The following NACC2 variants were observed in gnomAD, a reference collection of about 807,000 sequenced individuals.
The protein encoded by NACC2 is NACC family member 2, also known as nucleus accumbens-associated protein 2.
Under a neutral mutation model 25.1 loss-of-function variants are expected in NACC2, and 8 were observed. That is an observed-to-expected ratio of 0.32 (90% CI 0.19 to 0.57). NACC2 has a LOEUF of 0.57. Among genes scored for constraint, NACC2 ranks in the 20% least tolerant of loss-of-function variants. NACC2 has a pLI of 0.89. For synonymous variants in NACC2, 435 were observed against 294.7 expected, an observed-to-expected ratio of 1.48 and a Z score of -4.88; for missense variants, 644 against 650.2, an observed-to-expected ratio of 0.99 and a Z score of 0.10.
chr9:136,055,803 C>G lies in NACC2; in HGVS notation c.-59-5223G>C, dbSNP rs551720574. Among the ~76,000 whole-genome samples the G allele has an allele frequency of 4.6e-5, 7 of 152,128 alleles. No homozygotes were observed. The highest frequency in any genetic ancestry group is 1.7e-4 in the African/African-American group (7 of 41,404). On this transcript the variant is annotated intron_variant, in intron 1 of 5. Transcript: ENST00000277554. The surrounding 1 kb of genome is among the most constrained non-coding windows in gnomAD (Gnocchi z 4.9). ...TGCGGAGGGGAGAGTCCCTCTACCCCGAGCCCCGGCCCCTGGTGGAGACTG... is the reference window on the plus strand; with the variant it reads ...TGCGGAGGGGAGAGTCCCTCTACCCGGAGCCCCGGCCCCTGGTGGAGACTG...
In NACC2 at chr9:136,011,731, C is replaced by A; in HGVS notation, c.1549G>T (p.Asp517Tyr). 1 of 1,535,846 alleles carries A rather than the reference C, an allele frequency of 6.5e-7. No individual in the cohort carries two copies. Among genetic ancestry groups the A allele is most frequent in the South Asian group, 1.2e-5 (1 of 81,166 alleles). Reference sequence around the variant, plus strand: ...GCGGGGTTGGCGGCGGCACTCAGGTCAACATTCACGGCGTCAGTTCTCAGA... The same window carrying A: ...GCGGGGTTGGCGGCGGCACTCAGGTAAACATTCACGGCGTCAGTTCTCAGA... Reference protein sequence around the residue: ...VALRTDAVNVDLSAAANPAFD... With the variant: ...VALRTDAVNVYLSAAANPAFD... The change falls in exon 6 of 6, where the codon GAC (aspartate) becomes TAC (tyrosine). Residue 517 changes from aspartate to tyrosine, a missense_variant. Physicochemically the swap from Asp to Tyr is radical, Grantham distance 160. Coordinates refer to ENST00000277554, the MANE Select transcript of NACC2 (RefSeq NM_144653.5).
intron 1 of NACC2, among the ~76,000 whole-genome samples, chr9:136,051,402 G>T (rs1003135852): frequency 6.6e-6 from 1 of 152,204 alleles, no homozygotes; most frequent in Non-Finnish European, 1.5e-5. Flanking sequence ...CAATCCCGAC[G>T]GCCCGGCCCC....
rs896732767 is a variant in NACC2 at position 136,011,617 on chromosome 9, G to T, written c.1663C>A (p.Pro555Thr). Residue 555 changes from proline (P) to threonine (T), a missense_variant, in exon 6 of 6, where the codon CCC (proline) becomes ACC (threonine). Physicochemically the swap from Pro to Thr is conservative, Grantham distance 38. Transcript: ENST00000277554. ...CCGCCCTGCTCAAAGGGCTGTGGGG[G>T]GCTCTGGCCATCGGCGGGCAGCGGC... ...PEPLPADGQS[P>T]PQPFEQGGGG... is the part of the protein sequence containing the mutation. 62 of 1,428,510 alleles carry T rather than the reference G, an allele frequency of 4.3e-5. No homozygotes were observed. The highest frequency in any genetic ancestry group is 5.5e-5 in the Non-Finnish European group (60 of 1,098,394). The allele number at this position is 1,428,510 out of a possible 1,614,324, so 88.5% of individuals were successfully genotyped here. A position where few individuals can be genotyped will look rare whatever the true frequency, so the allele number is the denominator to read the frequency against.
intron 2 of NACC2, among the ~76,000 whole-genome samples, chr9:136,031,955 C>G (rs547517330): frequency 6.6e-6 from 1 of 152,352 alleles, no homozygotes; most frequent in African/African-American, 2.4e-5. Flanking sequence ...TAACAGCTTT[C>G]CCGATGCTAG....
At chr9:136,075,960 A>G (rs1482864756) in intron 1 of NACC2, among the ~76,000 whole-genome samples, 1 of 151,814 alleles carries the variant, frequency 6.6e-6, no homozygotes, top group Non-Finnish European at 1.5e-5. Flanking sequence ...GCTGCTGCCC[A>G]CTCCTCTGCT....
chr9:136,029,319 A>C (rs1840440037), intron 2 of NACC2, among the ~76,000 whole-genome samples: 1 of 152,162 alleles, frequency 6.6e-6, no homozygotes, highest in African/African-American at 2.4e-5. Context: ...GCAGATGTTG[A>C]GGAGACCTGC....
chr9:136,040,390 T>C (rs1378925792), intron 2 of NACC2, among the ~76,000 whole-genome samples: 2 of 150,858 alleles, frequency 1.3e-5, no homozygotes, highest in Non-Finnish European at 3.0e-5. Context: ...AAATAAACAA[T>C]TGGAAAATGA....
chr9:136,054,392 GC>G (rs1840894279), intron 1 of NACC2, among the ~76,000 whole-genome samples: 3 of 152,218 alleles, frequency 2.0e-5, no homozygotes, highest in Admixed American at 6.5e-5. Flanking sequence ...TGAGGCTGCA[GC>G]CCCACGCCCC....
At position 136,075,903 on chromosome 9, in the gene NACC2, G is replaced by T. The variant is rs556918619; in HGVS notation, c.-60+19286C>A. Among the ~76,000 whole-genome samples, 3 of 152,320 alleles carry T rather than the reference G, an allele frequency of 2.0e-5. No homozygotes were observed. In the East Asian group the frequency reaches 5.8e-4, roughly 29 times the overall value. On this transcript the variant is annotated intron_variant, in intron 1 of 5. Coordinates refer to ENST00000277554, the MANE Select transcript of NACC2 (RefSeq NM_144653.5). ...CCCAGGCTTTCCTACAAAGCGCCCA[G>T]GAGCAGCCCCGCAGCCCTCCATGTG...
chr9:136,021,778 G>A (rs1375145979), intron 2 of NACC2, among the ~76,000 whole-genome samples: 1 of 152,204 alleles, frequency 6.6e-6, no homozygotes, highest in East Asian at 1.9e-4. Flanking sequence ...GCTGTGAAAA[G>A]GAACAAATGA....
At chr9:136,079,021 G>A (rs1360393034) in intron 1 of NACC2, among the ~76,000 whole-genome samples, 3 of 151,820 alleles carry the variant, frequency 2.0e-5, no homozygotes, top group Non-Finnish European at 4.4e-5. Context: ...GAGCACTGAA[G>A]GTAAATATGT....
intron 2 of NACC2, among the ~76,000 whole-genome samples, chr9:136,048,791 G>A (rs970509817): frequency 2.6e-5 from 4 of 152,350 alleles, no homozygotes; most frequent in South Asian, 2.1e-4. Flanking sequence ...CTGCAGGAGG[G>A]GAAGGGCAGG....
chr9:136,086,846 T>G lies in NACC2; in HGVS notation c.-60+8343A>C, dbSNP rs1186217889. On this transcript the variant is annotated intron_variant, in intron 1 of 5. Transcript: ENST00000277554. This position sits in a 1 kb window ranked among gnomAD's most constrained non-coding sequence, Gnocchi z 5.6. ...CTGTGCCTGGCTCCTCCCACTGTCC[T>G]GGGCAAGTGCAGAGCCAGCCCCCCA... is the stretch of plus-strand genomic sequence containing the variant. 6.6e-6 allele frequency among the ~76,000 whole-genome samples: 1 copy of G among 152,184 alleles called. No homozygotes were observed. The highest frequency in any genetic ancestry group is 2.4e-5 in the African/African-American group (1 of 41,456).
chr9:136,038,372 C>T (rs1840584274), intron 2 of NACC2, among the ~76,000 whole-genome samples: 1 of 151,808 alleles, frequency 6.6e-6, no homozygotes, highest in Non-Finnish European at 1.5e-5. Context: ...CCTGTCTCTA[C>T]AAAAAAAATC....
Position 136,081,327 on chromosome 9 carries a change from C to A in NACC2, c.-60+13862G>T, listed in dbSNP as rs1830321406. On this transcript the variant is annotated intron_variant, in intron 1 of 5. Coordinates refer to ENST00000277554, the MANE Select transcript of NACC2 (RefSeq NM_144653.5). ...TAACCGGAACGACCTGCACACCACACACCCCCAACCAAGATGAAGCCAGCC... is the reference window on the plus strand; with the variant it reads ...TAACCGGAACGACCTGCACACCACAAACCCCCAACCAAGATGAAGCCAGCC... 2.6e-5 allele frequency among the ~76,000 whole-genome samples: 4 copies of A among 152,232 alleles called. No individual in the cohort carries two copies. In the South Asian group the frequency reaches 8.3e-4, roughly 32 times the overall value.
At chr9:136,094,127 C>A (rs988802619) in intron 1 of NACC2, among the ~76,000 whole-genome samples, 2 of 152,208 alleles carry the variant, frequency 1.3e-5, no homozygotes, top group African/African-American at 4.8e-5. Flanking sequence ...GGGTCAGCAC[C>A]CCCGCCACAC....
chr9:136,040,261 C>T (rs1478725571), intron 2 of NACC2, among the ~76,000 whole-genome samples: 5 of 151,720 alleles, frequency 3.3e-5, no homozygotes, highest in Admixed American at 1.3e-4. Flanking sequence ...AGGAGAATGG[C>T]GTGAACCCAG....
At position 136,050,135 on chromosome 9, in the gene NACC2, G is replaced by A. The variant is rs1840797852; in HGVS notation, c.387C>T (p.Asp129=). Residue 129 remains aspartate (D), a synonymous_variant, in exon 2 of 6, where the codon GAC becomes GAT. Transcript: ENST00000277554. ...CGTCCTCGATCACAGCGGTCTGCGA[G>A]TCGCAGTGGGGCGAGCTCACCTTGA... ...LMFKVSSPHC[D]SQTAVIEDAG... is the part of the protein sequence containing the mutation. 1.3e-6 allele frequency: 1 copy of A among 765,354 alleles called. No individual in the cohort carries two copies. Among genetic ancestry groups the A allele is most frequent in the African/African-American group, 1.7e-5 (1 of 58,986 alleles). 47.4% of individuals were successfully genotyped at this position (765,354 alleles called of 1,614,324 possible).
At position 136,011,942 on chromosome 9, in the gene NACC2, G is replaced by T. The variant is rs751344427; in HGVS notation, c.1338C>A (p.Arg446=). 95 of 1,604,002 alleles carry T rather than the reference G, an allele frequency of 5.9e-5. No homozygotes were observed. The highest frequency in any genetic ancestry group is 5.0e-4 in the Middle Eastern group (3 of 6,052). ...TCTTGGGCAGCCAGCGCTTGCGAAC[G>T]CGGCGGGCGTTGGTGCACATGTCCG... The part of the protein sequence containing the change: ...IAADMCTNAR[R]VRKRWLPKIK... Residue 446 remains arginine (R), a synonymous_variant, in exon 6 of 6, where the codon CGC becomes CGA. Transcript: ENST00000277554.
Sources: allele counts gnomAD v4.1 joint callset (sites outside exome capture counted in the v4.1 genomes callset), GRCh38; gene constraint gnomAD v4.1.1; non-coding constraint Gnocchi (gnomAD v3.1); transcripts MANE v1.5; gene names NCBI Gene and HGNC (gene_info 2026-07-23, HGNC 2026-07-21).